Variants in CACNA1H observed in about 807,000 individuals in gnomAD.
CACNA1H encodes the protein calcium voltage-gated channel subunit alpha1 H.
In CACNA1H, 149 loss-of-function variants were observed where a neutral mutation model predicts 192.5. That is an observed-to-expected ratio of 0.77 (90% CI 0.68 to 0.89). CACNA1H has a LOEUF of 0.89. Among genes scored for constraint, CACNA1H ranks in the 40% least tolerant of loss-of-function variants. CACNA1H has a pLI of 0.00. For missense variants in CACNA1H, 4,257 were observed against 3,423.5 expected (o/e 1.24, Z -6.08); for synonymous variants, 2,202 against 1,475.2 (o/e 1.49, Z -11.29).
chr16:1,221,028 T>G lies in CACNA1H; in HGVS notation c.*34T>G. On this transcript the variant is annotated 3_prime_UTR_variant, in exon 35 of 35. Coordinates refer to ENST00000348261, the MANE Select transcript of CACNA1H (RefSeq NM_021098.3). ...TTGGTGCCGCCCACGGCTTTGGCCC[T>G]GGGGTCTGGGGGCCCCGCTGGGGTG... 1 of 1,499,410 alleles carries G rather than the reference T, an allele frequency of 6.7e-7. No individual in the cohort carries two copies. The highest frequency in any genetic ancestry group is 2.1e-4 in the Middle Eastern group (1 of 4,722). 92.9% of individuals were successfully genotyped at this position (1,499,410 alleles called of 1,614,324 possible).
At chr16:1,208,727 G>GCCT (rs1301051753) in intron 16 of CACNA1H, among the ~76,000 whole-genome samples, 7 of 152,192 alleles carry the variant, frequency 4.6e-5, no homozygotes, top group Admixed American at 3.9e-4. Context: ...AGGCAGAGCC[G>GCCT]CAGGCCCAGT....
rs1215703075 is a variant in CACNA1H at position 1,153,511 on chromosome 16, C to T, written c.-19+41C>T. ...GACGCGCGCCCGGGACCCTCTTCAA[C>T]TTGCGCGAAGCGGGCCGGGGAGCCC... On this transcript the variant is annotated intron_variant, in intron 1 of 34. Transcript: ENST00000348261. The T allele has an allele frequency of 1.8e-5, 5 of 273,876 alleles. No individual in the cohort carries two copies. In the East Asian group the frequency reaches 3.2e-4, roughly 18 times the overall value. 17.0% of individuals were successfully genotyped at this position (273,876 alleles called of 1,614,324 possible).
chr16:1,184,539 G>A (rs1965791157), intron 2 of CACNA1H, among the ~76,000 whole-genome samples: 2 of 152,266 alleles, frequency 1.3e-5, no homozygotes, highest in African/African-American at 4.8e-5. Flanking sequence ...AGGCACGGAT[G>A]CCGCATCAGC....
In CACNA1H at chr16:1,220,516, A is replaced by G; in HGVS notation, c.6584A>G (p.Glu2195Gly). 1 of 1,537,934 alleles carries G rather than the reference A, an allele frequency of 6.5e-7. No individual in the cohort carries two copies. Among genetic ancestry groups the G allele is most frequent in the South Asian group, 1.3e-5 (1 of 77,336 alleles). ...KKMSPPCISV[E>G]PPAEDEGSAR... The stretch of plus-strand genomic sequence containing the variant: ...ATGAGCCCCCCCTGCATCTCGGTGG[A>G]ACCCCCTGCGGAGGACGAGGGCTCT... The change falls in exon 35 of 35, where the codon GAA becomes GGA. Residue 2195 changes from glutamate to glycine, a missense_variant. Glu to Gly is a moderately conservative substitution (Grantham distance 98). Coordinates refer to ENST00000348261, the MANE Select transcript of CACNA1H (RefSeq NM_021098.3).
rs1968986433 is a variant in CACNA1H at position 1,208,226 on chromosome 16, G to T, written c.3363+5G>T. 1 of 1,551,426 alleles carries T rather than the reference G, an allele frequency of 6.4e-7. No homozygotes were observed. The highest frequency in any genetic ancestry group is 1.4e-5 in the African/African-American group (1 of 73,332). On this transcript the variant is annotated splice_donor_5th_base_variant and intron_variant, in intron 16 of 34. Coordinates refer to ENST00000348261, the MANE Select transcript of CACNA1H (RefSeq NM_021098.3). ...CTGGGAGACCAGAAGCCTCCGGTAG[G>T]GACCATCTCCTGCCCCAGCTCTCAG...
intron 2 of CACNA1H, among the ~76,000 whole-genome samples, chr16:1,183,398 C>T (rs1338704737): frequency 6.6e-6 from 1 of 152,222 alleles, no homozygotes; most frequent in Non-Finnish European, 1.5e-5. Flanking sequence ...AGCCGGGAAT[C>T]CCTCCTGGCC....
At position 1,154,042 on chromosome 16, in the gene CACNA1H, C is replaced by A; in HGVS notation, c.299+6C>A. ...CTCCGGCTGGTCTGCAACCCATATCCTTCCCGGCCGGCGGGGGGCGGGGGG... is the reference window on the plus strand; with the variant it reads ...CTCCGGCTGGTCTGCAACCCATATCATTCCCGGCCGGCGGGGGGCGGGGGG... On this transcript the variant is annotated splice_donor_region_variant and intron_variant, in intron 2 of 34. Coordinates refer to ENST00000348261, the MANE Select transcript of CACNA1H (RefSeq NM_021098.3). 1 of 1,264,250 alleles carries A rather than the reference C, an allele frequency of 7.9e-7. No homozygotes were observed. The highest frequency in any genetic ancestry group is 1.0e-6 in the Non-Finnish European group (1 of 1,003,138). 78.3% of individuals were successfully genotyped at this position (1,264,250 alleles called of 1,614,324 possible).
In CACNA1H at chr16:1,220,485, A is replaced by C; in HGVS notation, c.6553A>C (p.Lys2185Gln). The C allele has an allele frequency of 6.5e-7, 1 of 1,545,576 alleles. No homozygotes were observed. Among genetic ancestry groups the C allele is most frequent in the Non-Finnish European group, 8.7e-7 (1 of 1,154,622 alleles). Residue 2185 changes from lysine to glutamine, a missense_variant, in exon 35 of 35, where the codon AAG (lysine) becomes CAG (glutamine). Physicochemically the swap from Lys to Gln is moderately conservative, Grantham distance 53 (BLOSUM62 1). Transcript: ENST00000348261. ...GCCCGCTCTGGGTGCGCGCAGAAAGAAGAAGATGAGCCCCCCCTGCATCTC... is the reference window on the plus strand; with the variant it reads ...GCCCGCTCTGGGTGCGCGCAGAAAGCAGAAGATGAGCCCCCCCTGCATCTC... Reference protein sequence around the residue: ...AEPALGARRKKKMSPPCISVE... With the variant: ...AEPALGARRKQKMSPPCISVE...
Position 1,207,334 on chromosome 16 carries a change from C to T in CACNA1H, c.2967C>T (p.Ser989=), listed in dbSNP as rs59090452. 3.7e-3 allele frequency: 6,007 copies of T among 1,611,724 alleles called. 13 individuals are homozygous for T. The highest frequency in any genetic ancestry group is 4.4e-3 in the Non-Finnish European group (5,162 of 1,179,168). ...VLYNGMASTS[S]WAALYFVALM... ...ACAACGGCATGGCCTCCACCTCCTCCTGGGCCGCCCTCTACTTCGTGGCCC... is the reference window on the plus strand; with the variant it reads ...ACAACGGCATGGCCTCCACCTCCTCTTGGGCCGCCCTCTACTTCGTGGCCC... The change falls in exon 14 of 35, where the codon TCC becomes TCT. Residue 989 remains serine (S), a synonymous_variant. Transcript: ENST00000348261.
chr16:1,206,994 C>A lies in CACNA1H; in HGVS notation c.2790-7C>A. 1.3e-6 allele frequency: 2 copies of A among 1,572,470 alleles called. No homozygotes were observed. The highest frequency in any genetic ancestry group is 1.7e-6 in the Non-Finnish European group (2 of 1,157,326). On this transcript the variant is annotated splice_region_variant and splice_polypyrimidine_tract_variant and intron_variant, in intron 12 of 34. Transcript: ENST00000348261. Reference sequence around the variant, plus strand: ...CACCCTCAACACGCCCCTGCCCCCACCCTCAGCATCCTGGGCATGCACCTT... The same window carrying A: ...CACCCTCAACACGCCCCTGCCCCCAACCTCAGCATCCTGGGCATGCACCTT...
At chr16:1,162,646 G>C (rs1047424680) in intron 2 of CACNA1H, among the ~76,000 whole-genome samples, 2 of 151,706 alleles carry the variant, frequency 1.3e-5, no homozygotes, top group Admixed American at 6.6e-5. Flanking sequence ...GAGTGGGGGG[G>C]GGGGGTCCAT....
At chr16:1,208,269 C>T (rs1211589955) in intron 16 of CACNA1H, 48 bp downstream of exon 16, 14 of 1,367,792 alleles carry the variant, frequency 1.0e-5, no homozygotes, top group African/African-American at 4.3e-5. Flanking sequence ...CAGGTTTTCC[C>T]TGCCTGGCTC....
At chr16:1,172,457 C>A (rs915300760) in intron 2 of CACNA1H, among the ~76,000 whole-genome samples, 3 of 151,136 alleles carry the variant, frequency 2.0e-5, no homozygotes, top group Non-Finnish European at 4.4e-5. Context: ...GGGCCTGGCC[C>A]GCCTCCGTCT....
intron 2 of CACNA1H, among the ~76,000 whole-genome samples, chr16:1,190,925 G>A: frequency 6.7e-6 from 1 of 148,740 alleles, no homozygotes; most frequent in East Asian, 2.0e-4. Flanking sequence ...CACACTCGGG[G>A]TTTCGCTGAC....
At chr16:1,184,153 C>T (rs182146479) in intron 2 of CACNA1H, among the ~76,000 whole-genome samples, 2 of 152,360 alleles carry the variant, frequency 1.3e-5, no homozygotes, top group Admixed American at 1.3e-4. Flanking sequence ...CTCCTGCCCA[C>T]AGGGGGCTTC....
chr16:1,193,475 T>C (rs1181568976), intron 2 of CACNA1H, among the ~76,000 whole-genome samples: 2 of 152,328 alleles, frequency 1.3e-5, no homozygotes, highest in East Asian at 3.9e-4. Context: ...CTCTGAGGCT[T>C]GCCGTGAAGG....
At chr16:1,205,928 C>T (rs531316314) in intron 11 of CACNA1H, among the ~76,000 whole-genome samples, 176 bp from the exon 12 acceptor site, 2 of 152,218 alleles carry the variant, frequency 1.3e-5, no homozygotes, top group East Asian at 3.9e-4. Context: ...GGATAAGCGG[C>T]TTTTGAGGTG....
chr16:1,204,277 G>A lies in CACNA1H; in HGVS notation c.2270G>A (p.Gly757Asp). Reference sequence around the variant, plus strand: ...ACGGACACACCAGGCCCAGGCCCAGGCAGCCCCCAGCGGCGGGCACAGCAG... The same window carrying A: ...ACGGACACACCAGGCCCAGGCCCAGACAGCCCCCAGCGGCGGGCACAGCAG... ...RATDTPGPGP[G>D]SPQRRAQQRA... The change falls in exon 10 of 35, where the codon GGC (glycine) becomes GAC (aspartate). Residue 757 changes from glycine to aspartate, a missense_variant. Gly to Asp is a moderately conservative substitution (Grantham distance 94, BLOSUM62 -1). Transcript: ENST00000348261. 1.2e-6 allele frequency: 2 copies of A among 1,608,054 alleles called. No individual in the cohort carries two copies. Among genetic ancestry groups the A allele is most frequent in the East Asian group, 4.5e-5 (2 of 44,658 alleles).
Position 1,153,269 on chromosome 16 carries a change from CGAGCCG to C in CACNA1H, c.-210_-205del, listed in dbSNP as rs968963336. The C allele has an allele frequency of 2.8e-5, 4 of 144,288 alleles. No homozygotes were observed. Among genetic ancestry groups the C allele is most frequent in the African/African-American group, 1.0e-4 (4 of 39,968 alleles). The allele number at this position is 144,288 out of a possible 1,614,324, so 8.9% of individuals were successfully genotyped here. On this transcript the variant is annotated 5_prime_UTR_variant, in exon 1 of 35. Transcript: ENST00000348261. ...GGCCGCCGCCGTCGCCTCCGCCGGG[CGAGCCG>C]GAGCCGGAGTCGAGCCGCGGCCGGG...
Sources: allele counts gnomAD v4.1 joint callset (sites outside exome capture counted in the v4.1 genomes callset), GRCh38; gene constraint gnomAD v4.1.1; transcripts MANE v1.5; gene names NCBI Gene and HGNC (gene_info 2026-07-23, HGNC 2026-07-21).